The following HDAC9 variants were observed in gnomAD, a reference collection of about 807,000 sequenced individuals.
The protein encoded by HDAC9 is MEF-2 interacting transcription repressor (MITR) protein.
Under a neutral mutation model 139.4 loss-of-function variants are expected in HDAC9, and 41 were observed. That is an observed-to-expected ratio of 0.29 (90% confidence interval 0.23 to 0.38). The LOEUF (loss-of-function observed/expected upper bound fraction) is 0.38. HDAC9 is among the 10% of genes least tolerant of loss of function. The pLI, the probability that HDAC9 is intolerant of heterozygous loss-of-function variation, is 1.00. For missense variants in HDAC9, 1,147 were observed against 1,297.0 expected, an observed-to-expected ratio of 0.88 and a Z score of 1.78; for synonymous variants, 517 against 476.2, an observed-to-expected ratio of 1.09 and a Z score of -1.12.
intron 22 of HDAC9, among the ~76,000 whole-genome samples, chr7:18,880,194 T>TA (rs1199091452): frequency 6.6e-6 from 1 of 152,088 alleles, no homozygotes; most frequent in Non-Finnish European, 1.5e-5. Flanking sequence ...AAGGAACACT[T>TA]AGACACTGTT....
chr7:18,175,866 A>T (rs151085536), intron 2 of HDAC9, among the ~76,000 whole-genome samples: 1 of 145,676 alleles, frequency 6.9e-6, no homozygotes, highest in East Asian at 2.1e-4. Context: ...ATCATTGCAT[A>T]ATTAACCTTT....
At chr7:18,962,162 C>T (rs149653591) in intron 24 of HDAC9, among the ~76,000 whole-genome samples, 1 of 152,176 alleles carries the variant, frequency 6.6e-6, no homozygotes, top group African/African-American at 2.4e-5. Context: ...CAAATCCCTG[C>T]CCTGTTGAGT....
At chr7:18,380,671 G>T (rs1326541120) in intron 1 of HDAC9, among the ~76,000 whole-genome samples, 1 of 152,160 alleles carries the variant, frequency 6.6e-6, no homozygotes, top group Non-Finnish European at 1.5e-5. Context: ...TGCAAAATTG[G>T]AATCCATTTA....
chr7:18,757,906 A>G (rs1789025121), intron 14 of HDAC9, among the ~76,000 whole-genome samples: 1 of 152,164 alleles, frequency 6.6e-6, no homozygotes. Context: ...ACTCAATGAT[A>G]TGGTCATTTT....
chr7:18,784,837 A>G (rs1234131387), intron 16 of HDAC9, among the ~76,000 whole-genome samples: 2 of 152,098 alleles, frequency 1.3e-5, no homozygotes, highest in Non-Finnish European at 2.9e-5. Flanking sequence ...ACTCAAAGGC[A>G]GCAGACTTTC....
At chr7:18,585,606 G>T in intron 3 of HDAC9, 84 bp downstream of exon 3, 2 of 1,493,256 alleles carry the variant, frequency 1.3e-6, no homozygotes, top group Non-Finnish European at 1.8e-6. Flanking sequence ...AACACTTTGC[G>T]GGTAGATTCA....
At chr7:18,417,629 T>C (rs28787350) in intron 1 of HDAC9, among the ~76,000 whole-genome samples, 16,663 of 152,138 alleles carry the variant, frequency 0.11, 1,516 homozygotes, top group African/African-American at 0.24. Context: ...GTTTAGTTTT[T>C]GACTAATTAT....
intron 12 of HDAC9, among the ~76,000 whole-genome samples, chr7:18,684,835 G>T (rs1457808331): frequency 1.3e-5 from 2 of 151,836 alleles, no homozygotes; most frequent in Non-Finnish European, 2.9e-5. Flanking sequence ...TCCTAATGGT[G>T]TCATGGAAAA....
chr7:18,195,073 C>T (rs1250647607), intron 2 of HDAC9, among the ~76,000 whole-genome samples: 4 of 152,060 alleles, frequency 2.6e-5, no homozygotes, highest in South Asian at 2.1e-4. Flanking sequence ...TGGTCACAAA[C>T]GCTGTCAATA....
At chr7:18,956,730 C>G (rs1396505663) in intron 24 of HDAC9, among the ~76,000 whole-genome samples, 1 of 152,106 alleles carries the variant, frequency 6.6e-6, no homozygotes, top group Non-Finnish European at 1.5e-5. Context: ...CAACTTAGCT[C>G]CAACTCCAGG....
chr7:18,858,045 T>C (rs959232370), intron 21 of HDAC9, among the ~76,000 whole-genome samples: 1 of 152,170 alleles, frequency 6.6e-6, no homozygotes, highest in Admixed American at 6.6e-5. Flanking sequence ...TCCATTGAAA[T>C]CTTGGATTCT....
At chr7:18,454,777 T>C (rs1332486182) in intron 1 of HDAC9, among the ~76,000 whole-genome samples, 1 of 152,126 alleles carries the variant, frequency 6.6e-6, no homozygotes, top group African/African-American at 2.4e-5. Context: ...TAACCAATTA[T>C]ATGAATTTTA....
chr7:18,164,560 T>C (rs1001193708), intron 2 of HDAC9, among the ~76,000 whole-genome samples: 4 of 152,300 alleles, frequency 2.6e-5, no homozygotes, highest in African/African-American at 4.8e-5. Flanking sequence ...AATTCTTTAA[T>C]AGTCCATGTT....
chr7:18,493,929 A>G (rs1047835014), upstream of HDAC9, among the ~76,000 whole-genome samples: 3 of 152,032 alleles, frequency 2.0e-5, no homozygotes, highest in East Asian at 3.9e-4. Flanking sequence ...TTTGAAAACT[A>G]CAATTGACTA....
chr7:18,359,145 C>A (rs908760533), intron 1 of HDAC9, among the ~76,000 whole-genome samples: 18 of 152,128 alleles, frequency 1.2e-4, no homozygotes, highest in Admixed American at 1.0e-3. Context: ...TACATGATGT[C>A]AGGAGTTCAA....
chr7:18,244,994 C>CTTCTATCTATCTATCTATCTATCT (rs71553924), intron 2 of HDAC9, among the ~76,000 whole-genome samples: 1 of 147,960 alleles, frequency 6.8e-6, no homozygotes, highest in South Asian at 2.2e-4. Context: ...ATCTAATCTG[C>CTTCTATCTATCTATCTATCTATCT]ATCTATCTAT....
intron 6 of HDAC9, among the ~76,000 whole-genome samples, chr7:18,627,731 C>G: frequency 6.6e-6 from 1 of 152,162 alleles, no homozygotes; most frequent in Non-Finnish European, 1.5e-5. Flanking sequence ...AGATCTCTAT[C>G]ACTTTGAGCT....
At chr7:18,265,205 G>A (rs1190202190) in intron 2 of HDAC9, among the ~76,000 whole-genome samples, 3 of 152,114 alleles carry the variant, frequency 2.0e-5, no homozygotes, top group Non-Finnish European at 4.4e-5. Flanking sequence ...TCTCTTCAGG[G>A]CAAGGACAAA....
rs1318796213 is a variant in HDAC9 at position 18,998,489 on chromosome 7, A to C, written c.*2427A>C. 2.6e-5 allele frequency: 4 copies of C among 152,248 alleles called. No individual in the cohort carries two copies. Among genetic ancestry groups the C allele is most frequent in the Non-Finnish European group, 4.4e-5 (3 of 68,056 alleles). The allele number at this position is 152,248 out of a possible 1,614,324, so 9.4% of individuals were successfully genotyped here. ...ACCTGGAGAAGCAAATGAACTGTGG[A>C]GAGGATTATCCACAGCATGTAGTTG... On this transcript the variant is annotated 3_prime_UTR_variant, in exon 26 of 26. Coordinates refer to ENST00000686413, the MANE Select transcript of HDAC9 (RefSeq NM_178425.4).
Sources: allele counts gnomAD v4.1 joint callset (sites outside exome capture counted in the v4.1 genomes callset), GRCh38; gene constraint gnomAD v4.1.1; transcripts MANE v1.5; gene names NCBI Gene and HGNC (gene_info 2026-07-23, HGNC 2026-07-21).